WASF3: variants seen among roughly 807,000 people sequenced by gnomAD.
WASF3 encodes actin-binding protein WASF3.
In WASF3, 11 loss-of-function variants were observed where a neutral mutation model predicts 46.6. The observed-to-expected ratio is 0.24, with a 90% CI of 0.15 to 0.39. WASF3 has a LOEUF of 0.39. Ranked by LOEUF, WASF3 falls within the 10% of genes least tolerant of loss-of-function variation. The probability of loss-of-function intolerance (pLI) is 1.00; values close to 1 mark genes in which losing one functional copy is unlikely to be tolerated. For synonymous variants in WASF3, 242 were observed against 259.7 expected, an observed-to-expected ratio of 0.93 and a Z score of 0.65; for missense variants, 576 against 669.8, an observed-to-expected ratio of 0.86 and a Z score of 1.55.
At chr13:26,539,770 T>C in the WASF3 span, among the ~76,000 whole-genome samples, 1 of 152,236 alleles carries the variant, frequency 6.6e-6, no homozygotes, top group Non-Finnish European at 1.5e-5. Context: ...TTGTTGGAGA[T>C]GCTTCACATC....
At chr13:26,589,002 G>A (rs1880213474) in intron 1 of WASF3, among the ~76,000 whole-genome samples, 1 of 151,688 alleles carries the variant, frequency 6.6e-6, no homozygotes, top group African/African-American at 2.4e-5. Context: ...CCATGTTGCC[G>A]AGGCTAGTCT....
At chr13:26,607,072 G>T (rs143634411) in intron 1 of WASF3, among the ~76,000 whole-genome samples, 5 of 152,294 alleles carry the variant, frequency 3.3e-5, no homozygotes, top group Non-Finnish European at 7.4e-5. Context: ...AGGTATGTCT[G>T]TATAGGAGAA....
At chr13:26,556,632 T>C (rs1879103521), upstream of WASF3, among the ~76,000 whole-genome samples, 2 of 152,224 alleles carry the variant, frequency 1.3e-5, no homozygotes, top group Admixed American at 1.3e-4. Context: ...GGCTGCATGA[T>C]TTTTCTACTG....
intron 2 of WASF3, among the ~76,000 whole-genome samples, chr13:26,639,106 G>C (rs1331844177): frequency 6.6e-6 from 1 of 152,140 alleles, no homozygotes; most frequent in East Asian, 1.9e-4. Flanking sequence ...CAGGTACTCT[G>C]TATAGCACCA....
At chr13:26,577,121 T>C in intron 1 of WASF3, 4 of 784,380 alleles carry the variant, frequency 5.1e-6, no homozygotes, top group Non-Finnish European at 9.1e-6. Flanking sequence ...AAAGATGAGA[T>C]TGCATTTAGA....
At chr13:26,666,889 AAG>A (rs1566068641) in intron 4 of WASF3, among the ~76,000 whole-genome samples, 37 of 151,098 alleles carry the variant, frequency 2.4e-4, no homozygotes, top group African/African-American at 6.8e-4. Context: ...AAAAAAAAAA[AAG>A]AGGTGAGTTA....
At chr13:26,558,499 A>G (rs116789543) in intron 1 of WASF3, among the ~76,000 whole-genome samples, 27,829 of 149,982 alleles carry the variant, frequency 0.19, 2,877 homozygotes, top group South Asian at 0.28. Context: ...CGCGCGGGGT[A>G]TCATCCCCGG....
intron 1 of WASF3, among the ~76,000 whole-genome samples, chr13:26,571,742 A>G (rs554320032): frequency 1.3e-5 from 2 of 152,290 alleles, no homozygotes; most frequent in East Asian, 1.9e-4. Context: ...TTCAGCATCA[A>G]TTTGTTGAGC....
chr13:26,580,932 C>CTTTT (rs5802385), intron 1 of WASF3, among the ~76,000 whole-genome samples: 29 of 136,704 alleles, frequency 2.1e-4, no homozygotes, highest in Non-Finnish European at 2.9e-4. Flanking sequence ...GCATAAATTT[C>CTTTT]TTTTTTTTTT....
rs2137530751 is a variant in WASF3 at position 26,686,429 on chromosome 13, C to T, written c.*584C>T. 6.6e-6 allele frequency: 1 copy of T among 152,538 alleles called. No individual in the cohort carries two copies. The highest frequency in any genetic ancestry group is 1.9e-4 in the East Asian group (1 of 5,188). The allele number at this position is 152,538 out of a possible 1,614,324, so 9.4% of individuals were successfully genotyped here. On this transcript the variant is annotated 3_prime_UTR_variant, in exon 10 of 10. Transcript: ENST00000335327. ...AATCTGATGCTCTGCTGAATAATTT[C>T]ATTACCTCTGCACATGCCTGTCAAA... is the stretch of plus-strand genomic sequence containing the variant.
chr13:26,620,331 A>G (rs1402285900), intron 2 of WASF3, among the ~76,000 whole-genome samples: 2 of 152,140 alleles, frequency 1.3e-5, no homozygotes, highest in African/African-American at 4.8e-5. Flanking sequence ...GTATTCTTGA[A>G]TCCCACATGT....
chr13:26,625,485 A>C (rs1018254623), intron 2 of WASF3, among the ~76,000 whole-genome samples: 4 of 152,136 alleles, frequency 2.6e-5, no homozygotes, highest in Non-Finnish European at 4.4e-5. Context: ...AAGCCTGAGA[A>C]CCAGGAGCTC....
chr13:26,630,656 A>G (rs1011169946), intron 2 of WASF3, among the ~76,000 whole-genome samples: 11 of 152,186 alleles, frequency 7.2e-5, no homozygotes, highest in South Asian at 4.1e-4. Flanking sequence ...ATGATTTACA[A>G]TCCTTTGGGT....
intron 1 of WASF3, among the ~76,000 whole-genome samples, chr13:26,590,568 T>C (rs1031323323): frequency 3.9e-5 from 6 of 152,304 alleles, no homozygotes; most frequent in African/African-American, 1.4e-4. Flanking sequence ...CCCAGGCAGA[T>C]CTCAATGAGA....
At chr13:26,550,857 G>A in the WASF3 span, among the ~76,000 whole-genome samples, 1 of 152,082 alleles carries the variant, frequency 6.6e-6, no homozygotes, top group Non-Finnish European at 1.5e-5. Flanking sequence ...AGCCTGCATG[G>A]GCCAATGTGC....
intron 5 of WASF3, among the ~76,000 whole-genome samples, chr13:26,669,398 T>G (rs1220075623): frequency 6.6e-6 from 1 of 151,876 alleles, no homozygotes; most frequent in Admixed American, 6.6e-5. Flanking sequence ...ATTTGCTTTT[T>G]CATTAATATA....
intron 1 of WASF3, among the ~76,000 whole-genome samples, chr13:26,582,050 G>C (rs1009852827): frequency 9.2e-5 from 14 of 152,288 alleles, no homozygotes; most frequent in African/African-American, 3.1e-4. Context: ...CAGTGTATAG[G>C]ATTTAAAAGG....
Position 26,642,291 on chromosome 13 carries a change from C to A in WASF3, c.21C>A (p.Asn7Lys). The A allele has an allele frequency of 6.3e-7, 1 of 1,584,704 alleles. No homozygotes were observed. The highest frequency in any genetic ancestry group is 1.4e-5 in the African/African-American group (1 of 72,966). Residue 7 changes from asparagine to lysine, a missense_variant, in exon 3 of 10, where the codon AAC (asparagine) becomes AAA (lysine). Transcript: ENST00000335327. MPLVKR[N>K]IEPRHLCRGA... is the part of the protein sequence containing the mutation. ...GAACCATGCCTTTAGTGAAGAGGAA[C>A]ATTGAGCCCCGGCACTTGTGCCGGG...
chr13:26,665,537 C>A (rs928079923), intron 4 of WASF3, among the ~76,000 whole-genome samples: 13 of 152,202 alleles, frequency 8.5e-5, no homozygotes, highest in Admixed American at 8.5e-4. Context: ...GACAGTGTTA[C>A]ACATACCTTG....
Sources: gnomAD v4.1 joint callset for allele counts (sites outside exome capture counted in the v4.1 genomes callset) on GRCh38, gnomAD v4.1.1 for gene constraint, MANE v1.5 for transcripts, NCBI Gene and HGNC (gene_info 2026-07-23, HGNC 2026-07-21) for gene names.